The following GALNT17 variants were observed in gnomAD, a reference collection of about 807,000 sequenced individuals.
GALNT17 encodes UDP-GalNAc:polypeptide N-acetylgalactosaminyltransferase-like 3.
GALNT17 carries 29 observed loss-of-function variants against 63.7 expected under a neutral mutation model. The observed-to-expected ratio is 0.46, with a 90% CI of 0.34 to 0.62. The LOEUF is 0.62. Ranked by LOEUF, GALNT17 falls within the 20% of genes least tolerant of loss-of-function variation. The pLI is 0.01. For synonymous variants in GALNT17, 305 were observed against 318.3 expected, an observed-to-expected ratio of 0.96 and a Z score of 0.45; for missense variants, 603 against 799.6, an observed-to-expected ratio of 0.75 and a Z score of 2.97.
chr7:71,320,907 G>C (rs186863431), intron 1 of GALNT17, among the ~76,000 whole-genome samples: 1 of 152,178 alleles, frequency 6.6e-6, no homozygotes, highest in Non-Finnish European at 1.5e-5. Flanking sequence ...ATGTACCCAC[G>C]TGATAGCAGA....
At chr7:71,440,450 C>T (rs1317654706) in intron 5 of GALNT17, among the ~76,000 whole-genome samples, 3 of 150,106 alleles carry the variant, frequency 2.0e-5, no homozygotes, top group African/African-American at 7.4e-5. Flanking sequence ...TCTCAGCTCA[C>T]TGCGACCTCC....
At chr7:71,290,058 C>A (rs1790952213) in intron 1 of GALNT17, among the ~76,000 whole-genome samples, 1 of 152,036 alleles carries the variant, frequency 6.6e-6, no homozygotes, top group South Asian at 2.1e-4. Flanking sequence ...AAACCAAAAA[C>A]AAAAATCCAT....
At chr7:71,615,455 T>C (rs1790187497) in intron 6 of GALNT17, among the ~76,000 whole-genome samples, 1 of 150,684 alleles carries the variant, frequency 6.6e-6, no homozygotes, top group South Asian at 2.1e-4. Flanking sequence ...ATCTGCACTT[T>C]AGGAGCAAAG....
chr7:71,479,437 T>G (rs2116636923), intron 5 of GALNT17, among the ~76,000 whole-genome samples: 1 of 152,358 alleles, frequency 6.6e-6, no homozygotes, highest in South Asian at 2.1e-4. Flanking sequence ...GACAGCTTCC[T>G]TGATTATAGC....
At chr7:71,415,800 T>G (rs1793512989) in intron 3 of GALNT17, 89 bp from the exon 4 acceptor site, 1 of 1,365,842 alleles carries the variant, frequency 7.3e-7, no homozygotes. Context: ...ATCTTTGAAC[T>G]CCCTGAAGAT....
Position 71,237,527 on chromosome 7 carries a change from A to G in GALNT17, c.239-98023A>G, listed in dbSNP as rs200407831. 2.6e-3 allele frequency among the ~76,000 whole-genome samples: 394 copies of G among 151,342 alleles called. 4 individuals are homozygous for G. The East Asian group carries it at 0.051, about 19-fold the overall frequency. On this transcript the variant is annotated intron_variant, in intron 1 of 10. Coordinates refer to ENST00000333538, the MANE Select transcript of GALNT17 (RefSeq NM_022479.3). ...CCCATCTCTGAAAAAAAAAAAAAAA[A>G]AAAAAGAAAAAACAGGGCATAATTG...
chr7:71,218,922 A>T (rs1201044638), intron 1 of GALNT17, among the ~76,000 whole-genome samples: 1 of 152,146 alleles, frequency 6.6e-6, no homozygotes, highest in Non-Finnish European at 1.5e-5. Context: ...TAGTAATAAT[A>T]GCAGTAAAGT....
intron 6 of GALNT17, among the ~76,000 whole-genome samples, chr7:71,651,126 C>T (rs1298692670): frequency 1.4e-5 from 2 of 140,624 alleles, no homozygotes; most frequent in Non-Finnish European, 3.0e-5. Flanking sequence ...CTGTCAGAGT[C>T]GGGAGGACAG....
intron 1 of GALNT17, among the ~76,000 whole-genome samples, chr7:71,134,147 A>C (rs1370747311): frequency 6.6e-6 from 1 of 152,208 alleles, no homozygotes; most frequent in Non-Finnish European, 1.5e-5. Context: ...CCCTGTGTTA[A>C]ATAAGATATA....
chr7:71,625,752 G>A (rs2116979699), intron 6 of GALNT17, among the ~76,000 whole-genome samples: 1 of 152,264 alleles, frequency 6.6e-6, no homozygotes, highest in African/African-American at 2.4e-5. Flanking sequence ...GTGTTTCTCT[G>A]AGACTTAAAC....
rs115573773 is a variant in GALNT17 at position 71,528,467 on chromosome 7, C to T, written c.963-42818C>T. Among the ~76,000 whole-genome samples the T allele has an allele frequency of 2.5e-3, 374 of 152,338 alleles. 2 individuals are homozygous for T. Among genetic ancestry groups the T allele is most frequent in the African/African-American group, 8.6e-3 (356 of 41,582 alleles). The stretch of plus-strand genomic sequence containing the variant: ...CATGGTTGCCCATGTTCCATGTCAT[C>T]TACAGGCTACAGACAACATCTTGAG... On this transcript the variant is annotated intron_variant, in intron 5 of 10. Transcript: ENST00000333538.
chr7:71,705,976 C>G (rs1791717709), intron 9 of GALNT17, among the ~76,000 whole-genome samples: 1 of 152,170 alleles, frequency 6.6e-6, no homozygotes, highest in South Asian at 2.1e-4. Flanking sequence ...CCCAAAGGCT[C>G]CTGGTTCAGG....
chr7:71,684,979 T>TTTA (rs1554324447), intron 9 of GALNT17, among the ~76,000 whole-genome samples: 23 of 127,038 alleles, frequency 1.8e-4, no homozygotes, highest in Middle Eastern at 4.5e-3. Context: ...CTGCTTTTTT[T>TTTA]TTATTATTAT....
intron 9 of GALNT17, 25 bp downstream of exon 9, chr7:71,677,331 A>G (rs1381631661): frequency 6.2e-7 from 1 of 1,605,626 alleles, no homozygotes; most frequent in South Asian, 1.1e-5. Flanking sequence ...CTGACCAGGA[A>G]GGAAGTAATA....
intron 6 of GALNT17, among the ~76,000 whole-genome samples, chr7:71,593,984 A>C (rs1258493716): frequency 6.6e-6 from 1 of 151,622 alleles, no homozygotes; most frequent in Admixed American, 6.6e-5. Flanking sequence ...CAGATGTAAG[A>C]GGCCAAAGGA....
chr7:71,206,496 C>T (rs751714904), intron 1 of GALNT17, among the ~76,000 whole-genome samples: 2 of 152,124 alleles, frequency 1.3e-5, no homozygotes, highest in Non-Finnish European at 2.9e-5. Flanking sequence ...CATGCTACCC[C>T]GTTGTAATAC....
At chr7:71,534,953 T>C (rs1233353135) in intron 5 of GALNT17, among the ~76,000 whole-genome samples, 2 of 152,202 alleles carry the variant, frequency 1.3e-5, no homozygotes, top group African/African-American at 4.8e-5. Flanking sequence ...TCTATCATAT[T>C]CCCAGCTGGT....
chr7:71,368,363 A>G (rs1040444746), intron 2 of GALNT17, among the ~76,000 whole-genome samples: 3 of 152,032 alleles, frequency 2.0e-5, no homozygotes, highest in Non-Finnish European at 4.4e-5. Flanking sequence ...TTGGCGGTAC[A>G]TTGTACATTT....
intron 6 of GALNT17, among the ~76,000 whole-genome samples, chr7:71,625,536 A>G (rs1200612866): frequency 6.6e-6 from 1 of 151,820 alleles, no homozygotes; most frequent in African/African-American, 2.4e-5. Flanking sequence ...AATTGCTTAT[A>G]ATTTTTTGGT....
Sources: allele counts gnomAD v4.1 joint callset (sites outside exome capture counted in the v4.1 genomes callset), GRCh38; gene constraint gnomAD v4.1.1; transcripts MANE v1.5; gene names NCBI Gene and HGNC (gene_info 2026-07-23, HGNC 2026-07-21).